Variants in ABHD6 observed in about 807,000 individuals in gnomAD.
The protein encoded by ABHD6 is monoacylglycerol lipase ABHD6.
ABHD6 carries 33 observed loss-of-function variants against 38.8 expected under a neutral mutation model. The observed-to-expected ratio is 0.85, with a 90% CI of 0.64 to 1.14. ABHD6 has a LOEUF of 1.14. Among genes scored for constraint, ABHD6 ranks in the 50% most tolerant of loss-of-function variants. The pLI, the probability that ABHD6 is intolerant of heterozygous loss-of-function variation, is 0.00. For missense variants in ABHD6, 380 were observed against 422.6 expected (o/e 0.90, Z 0.88); for synonymous variants, 147 against 161.6 (o/e 0.91, Z 0.69).
At chr3:58,245,842 C>A (rs79228897) in intron 1 of ABHD6, among the ~76,000 whole-genome samples, 183 of 114,684 alleles carry the variant, frequency 1.6e-3, no homozygotes, top group African/African-American at 6.1e-3. Context: ...AAAGAAAGAA[C>A]AAAAAAAGAA....
chr3:58,290,735 C>T (rs564486282), intron 9 of ABHD6, among the ~76,000 whole-genome samples: 3 of 151,468 alleles, frequency 2.0e-5, no homozygotes, highest in African/African-American at 7.3e-5. Context: ...CCTCACATCC[C>T]AGACGGGCCG....
At chr3:58,275,864 G>C (rs1266075463) in intron 7 of ABHD6, among the ~76,000 whole-genome samples, 1 of 152,096 alleles carries the variant, frequency 6.6e-6, no homozygotes, top group East Asian at 1.9e-4. Context: ...AGAACATGTG[G>C]TGTTTGGTTT....
chr3:58,239,372 A>G (rs757846845), intron 1 of ABHD6, among the ~76,000 whole-genome samples: 35 of 152,312 alleles, frequency 2.3e-4, no homozygotes, highest in Non-Finnish European at 4.1e-4. Context: ...CTCAGAAAGC[A>G]GCAGCTGTTA....
chr3:58,261,447 C>T (rs1210569295), intron 3 of ABHD6, among the ~76,000 whole-genome samples: 1 of 152,134 alleles, frequency 6.6e-6, no homozygotes, highest in Non-Finnish European at 1.5e-5. Context: ...CTAGGCTGCT[C>T]ACTGCAACCT....
intron 7 of ABHD6, among the ~76,000 whole-genome samples, chr3:58,281,987 A>C (rs1296450990): frequency 6.6e-6 from 1 of 152,164 alleles, no homozygotes; most frequent in Non-Finnish European, 1.5e-5. Context: ...ATGAAAACTC[A>C]GAAGATTCCA....
chr3:58,291,633 A>G (rs148656619), intron 9 of ABHD6, among the ~76,000 whole-genome samples: 2 of 152,264 alleles, frequency 1.3e-5, no homozygotes, highest in East Asian at 3.9e-4. Context: ...AGATGTGCAT[A>G]TCTCATCAGG....
At chr3:58,255,769 C>T (rs143364610) in intron 2 of ABHD6, among the ~76,000 whole-genome samples, 4 of 152,174 alleles carry the variant, frequency 2.6e-5, no homozygotes, top group Non-Finnish European at 2.9e-5. Flanking sequence ...CTCAGCCTCC[C>T]GAGTAGCTGG....
Position 58,257,385 on chromosome 3 carries a change from A to T in ABHD6, c.119+680A>T, listed in dbSNP as rs13085501. Among the ~76,000 whole-genome samples, 1 of 150,284 alleles carries T rather than the reference A, an allele frequency of 6.7e-6. No homozygotes were observed. Among genetic ancestry groups the T allele is most frequent in the African/African-American group, 2.4e-5 (1 of 40,890 alleles). ...GGTTTTTGTTTGGTTTTTTTTTTGA[A>T]ACAGTCTCCCTCTGTCACCTAGGCT... On this transcript the variant is annotated intron_variant, in intron 3 of 9. Transcript: ENST00000478253. The surrounding 1 kb of genome is among the most constrained non-coding windows in gnomAD (Gnocchi z 4.8).
At chr3:58,261,974 G>C (rs555989776) in intron 3 of ABHD6, among the ~76,000 whole-genome samples, 10 of 152,240 alleles carry the variant, frequency 6.6e-5, no homozygotes, top group African/African-American at 2.4e-4. Context: ...ACAAAATGTG[G>C]TATATACACA....
At chr3:58,268,508 G>T (rs1009589170) in intron 4 of ABHD6, among the ~76,000 whole-genome samples, 1 of 152,178 alleles carries the variant, frequency 6.6e-6, no homozygotes, top group South Asian at 2.1e-4. Context: ...GAAGGTTGGG[G>T]CTGGCAGAAG....
chr3:58,274,056 T>C (rs1460224084), intron 6 of ABHD6, among the ~76,000 whole-genome samples: 1 of 152,118 alleles, frequency 6.6e-6, no homozygotes, highest in Non-Finnish European at 1.5e-5. Context: ...TCAATTTTGC[T>C]CTCCTAGAGG....
chr3:58,284,906 A>G (rs1243856575), intron 7 of ABHD6, among the ~76,000 whole-genome samples, 179 bp from the exon 8 acceptor site: 1 of 152,116 alleles, frequency 6.6e-6, no homozygotes, highest in African/African-American at 2.4e-5. Flanking sequence ...AGCTTCTTAG[A>G]AGCCTAACTC....
chr3:58,289,245 A>AT (rs939768826), intron 9 of ABHD6, among the ~76,000 whole-genome samples: 4 of 150,438 alleles, frequency 2.7e-5, no homozygotes, highest in East Asian at 2.0e-4. Context: ...TTATTTTTTT[A>AT]TTTTTTTTAT....
chr3:58,291,136 G>A (rs1179532856), intron 9 of ABHD6, among the ~76,000 whole-genome samples: 3 of 151,350 alleles, frequency 2.0e-5, no homozygotes, highest in South Asian at 2.1e-4. Flanking sequence ...CGGCACCTCC[G>A]GAGGCCGAGG....
Position 58,285,422 on chromosome 3 carries a change from C to T in ABHD6, c.806C>T (p.Pro269Leu), listed in dbSNP as rs749259997. Residue 269 changes from proline to leucine, a missense_variant, in exon 9 of 10, where the codon CCG (proline) becomes CTG (leucine). Pro to Leu is a moderately conservative substitution (Grantham distance 98). Coordinates refer to ENST00000478253, the MANE Select transcript of ABHD6 (RefSeq NM_001320126.2). This position sits in a 1 kb window ranked among gnomAD's most constrained non-coding sequence, Gnocchi z 4.9. ...LHQNMDKIKVPTQIIWGKQDQ... is the reference protein window; with the variant it reads ...LHQNMDKIKVLTQIIWGKQDQ... ...CAGAACATGGACAAGATCAAGGTTC[C>T]GACGCAGATCATCTGGGGGAAACAA... The T allele has an allele frequency of 1.7e-5, 27 of 1,613,974 alleles. No homozygotes were observed. The highest frequency in any genetic ancestry group is 4.5e-5 in the East Asian group (2 of 44,900).
chr3:58,244,528 G>A (rs1196315158), intron 1 of ABHD6, among the ~76,000 whole-genome samples: 1 of 152,150 alleles, frequency 6.6e-6, no homozygotes, highest in Non-Finnish European at 1.5e-5. Flanking sequence ...ACTTTGGGAG[G>A]GCAAAGCAGG....
At chr3:58,253,211 C>A (rs930975566) in intron 2 of ABHD6, among the ~76,000 whole-genome samples, 1 of 151,448 alleles carries the variant, frequency 6.6e-6, no homozygotes, top group Non-Finnish European at 1.5e-5. Flanking sequence ...GGGCTATCAT[C>A]TCCAGTGTCA....
intron 9 of ABHD6, among the ~76,000 whole-genome samples, chr3:58,286,874 A>ATATATATATATATATATC (rs1559784540): frequency 7.4e-6 from 1 of 134,782 alleles, no homozygotes; most frequent in Non-Finnish European, 1.6e-5. Flanking sequence ...ATATATGTAT[A>ATATATATATATATATATC]TGTATATATA....
In ABHD6 at chr3:58,294,127, A is replaced by T. The variant is rs2097465595; in HGVS notation, c.*362A>T. On this transcript the variant is annotated 3_prime_UTR_variant, in exon 10 of 10. Transcript: ENST00000478253. ...GACATTCCTTATAGTTGGAGACTCAAGATATTTTTGTTGCATCAGGTGTAT... is the reference window on the plus strand; with the variant it reads ...GACATTCCTTATAGTTGGAGACTCATGATATTTTTGTTGCATCAGGTGTAT... 5.5e-6 allele frequency: 1 copy of T among 182,196 alleles called. No homozygotes were observed. The allele number at this position is 182,196 out of a possible 1,614,324, so 11.3% of individuals were successfully genotyped here. A position where few individuals can be genotyped will look rare whatever the true frequency, so the allele number is the denominator to read the frequency against.
Sources: gnomAD v4.1 joint callset for allele counts (sites outside exome capture counted in the v4.1 genomes callset) on GRCh38, gnomAD v4.1.1 for gene constraint, Gnocchi (gnomAD v3.1) non-coding constraint, MANE v1.5 for transcripts, NCBI Gene and HGNC (gene_info 2026-07-23, HGNC 2026-07-21) for gene names.